DNAAF4: variants seen among roughly 807,000 people sequenced by gnomAD.
DNAAF4 encodes the protein dynein axonemal assembly factor 4.
DNAAF4 carries 43 observed loss-of-function variants against 51.8 expected under a neutral mutation model. That is an observed-to-expected ratio of 0.83 (90% CI 0.65 to 1.07). The LOEUF (loss-of-function observed/expected upper bound fraction) is 1.07, where lower values mean the gene tolerates loss of function less well. DNAAF4 is among the 50% of genes least tolerant of loss of function. The pLI, the probability that DNAAF4 is intolerant of heterozygous loss-of-function variation, is 0.00. For missense variants in DNAAF4, 581 were observed against 493.0 expected, an observed-to-expected ratio of 1.18 and a Z score of -1.69; for synonymous variants, 194 against 165.6, an observed-to-expected ratio of 1.17 and a Z score of -1.32.
At chr15:55,438,740 G>A (rs1386862431) in intron 7 of DNAAF4, among the ~76,000 whole-genome samples, 1 of 150,608 alleles carries the variant, frequency 6.6e-6, no homozygotes, top group East Asian at 1.9e-4. Flanking sequence ...AGCTGAGATT[G>A]CACCACTACA....
intron 4 of DNAAF4, among the ~76,000 whole-genome samples, chr15:55,477,904 G>GA (rs68187085): frequency 0.6 from 87,181 of 144,474 alleles, 26,455 homozygotes; most frequent in East Asian, 0.88. Context: ...TGTCTCTACT[G>GA]AAAAAAAAAA....
At chr15:55,496,484 A>C (rs1195611870) in intron 3 of DNAAF4, among the ~76,000 whole-genome samples, 1 of 152,200 alleles carries the variant, frequency 6.6e-6, no homozygotes, top group African/African-American at 2.4e-5. Context: ...CAATTACTCA[A>C]ACTTTCCATA....
intron 4 of DNAAF4, among the ~76,000 whole-genome samples, chr15:55,467,634 G>A (rs912373141): frequency 6.6e-6 from 1 of 151,890 alleles, no homozygotes; most frequent in Non-Finnish European, 1.5e-5. Context: ...GTCAACCGAA[G>A]TTGTGCCAAC....
intron 4 of DNAAF4, among the ~76,000 whole-genome samples, chr15:55,489,428 CTT>C (rs1458073882): frequency 6.6e-6 from 1 of 152,084 alleles, no homozygotes; most frequent in Non-Finnish European, 1.5e-5. Context: ...AATCCCAACA[CTT>C]TGGGAGGCCA....
chr15:55,468,249 G>A (rs2058198080), intron 4 of DNAAF4, among the ~76,000 whole-genome samples: 2 of 152,158 alleles, frequency 1.3e-5, no homozygotes, highest in South Asian at 2.1e-4. Context: ...AACATTACGA[G>A]TATGAAACCT....
chr15:55,444,075 T>C (rs1356804567), intron 6 of DNAAF4, among the ~76,000 whole-genome samples: 6 of 152,200 alleles, frequency 3.9e-5, no homozygotes, highest in Non-Finnish European at 7.3e-5. Context: ...ATTTTGGCTT[T>C]TGTTGCCATT....
At chr15:55,440,976 C>T (rs116998560) in intron 6 of DNAAF4, among the ~76,000 whole-genome samples, 7,926 of 151,750 alleles carry the variant, frequency 0.052, 309 homozygotes, top group South Asian at 0.098. Flanking sequence ...CCACCGTGCC[C>T]GTCCTTAAAC....
intron 8 of DNAAF4, among the ~76,000 whole-genome samples, chr15:55,433,539 T>C (rs2057531081): frequency 6.9e-6 from 1 of 144,808 alleles, no homozygotes; most frequent in Non-Finnish European, 1.5e-5. Flanking sequence ...GGCAGGAGAA[T>C]GGCGTGAACC....
At chr15:55,418,931 T>TC (rs1369974380) in intron 7 of DNAAF4, among the ~76,000 whole-genome samples, 5 of 4,894 alleles carry the variant, frequency 1.0e-3, no homozygotes, top group African/African-American at 1.1e-3. Context: ...ACTTTTTTTT[T>TC]TTTTTTTGAG....
In DNAAF4 at chr15:55,491,658, T is replaced by G. The variant is rs2058572886; in HGVS notation, c.272-402A>C. On this transcript the variant is annotated intron_variant, in intron 3 of 9. Coordinates refer to ENST00000321149, the MANE Select transcript of DNAAF4 (RefSeq NM_130810.4). ...TATAATATATAAAATATAAAATATA[T>G]ATTATATATTATAGATAATATTATA... 2.1e-5 allele frequency among the ~76,000 whole-genome samples: 3 copies of G among 141,028 alleles called. No individual in the cohort carries two copies. In the Admixed American group the frequency reaches 2.3e-4, roughly 11 times the overall value. 92.5% of individuals were successfully genotyped at this position (141,028 alleles called of 152,430 possible).
intron 8 of DNAAF4, among the ~76,000 whole-genome samples, chr15:55,433,912 A>AAT (rs1402397928): frequency 0.01 from 83 of 8,182 alleles, 3 homozygotes; most frequent in East Asian, 0.029. Context: ...TATTATATAT[A>AAT]ATTATATATA....
At position 55,465,393 on chromosome 15, in the gene DNAAF4, T is replaced by TAC. The variant is rs61176405; in HGVS notation, c.637+1535_637+1536dup. On this transcript the variant is annotated intron_variant, in intron 5 of 9. Coordinates refer to ENST00000321149, the MANE Select transcript of DNAAF4 (RefSeq NM_130810.4). ...AGATAAAGAAAATATGGTGTATATA[T>TAC]ACACACACACACACACACACACACA... is the stretch of plus-strand genomic sequence containing the variant. Among the ~76,000 whole-genome samples the TAC allele has an allele frequency of 7.4e-3, 1,107 of 149,784 alleles. 4 individuals are homozygous for TAC. The highest frequency in any genetic ancestry group is 0.01 in the Non-Finnish European group (688 of 67,408).
intron 1 of DNAAF4, 79 bp from the exon 2 acceptor site, chr15:55,498,663 T>C (rs977738803): frequency 6.0e-4 from 118 of 197,812 alleles, no homozygotes; most frequent in Middle Eastern, 1.9e-3. Flanking sequence ...CCCAGAACTT[T>C]GGGAGGCCGA....
intron 6 of DNAAF4, among the ~76,000 whole-genome samples, chr15:55,440,402 G>A (rs901310418): frequency 2.7e-5 from 4 of 146,664 alleles, no homozygotes; most frequent in Non-Finnish European, 6.0e-5. Context: ...TTTTTGAGAC[G>A]GAGTCTTGCT....
At chr15:55,442,170 G>C (rs763371418) in intron 6 of DNAAF4, among the ~76,000 whole-genome samples, 4 of 152,216 alleles carry the variant, frequency 2.6e-5, no homozygotes, top group African/African-American at 9.6e-5. Flanking sequence ...CAAGGCTGGA[G>C]TGATGTGGCA....
At chr15:55,434,765 A>G in intron 8 of DNAAF4, 140 bp downstream of exon 8, 1 of 832,214 alleles carries the variant, frequency 1.2e-6, no homozygotes, top group Non-Finnish European at 1.7e-6. Context: ...CAGTTAAAAA[A>G]AAAAAGATTC....
At chr15:55,455,439 T>C (rs2058005925) in intron 5 of DNAAF4, among the ~76,000 whole-genome samples, 1 of 146,258 alleles carries the variant, frequency 6.8e-6, no homozygotes, top group East Asian at 2.0e-4. Flanking sequence ...TTTTTTTGTT[T>C]TTGTTGTTTT....
At chr15:55,447,843 G>C (rs1172317048) in intron 6 of DNAAF4, among the ~76,000 whole-genome samples, 13 of 115,524 alleles carry the variant, frequency 1.1e-4, no homozygotes, top group East Asian at 3.6e-4. Flanking sequence ...GGGGAGAGGG[G>C]AGAGGGCAGA....
Position 55,497,734 on chromosome 15 carries a change from C to G in DNAAF4, c.249G>C (p.Trp83Cys). 6.2e-7 allele frequency: 1 copy of G among 1,612,390 alleles called. No individual in the cohort carries two copies. Among genetic ancestry groups the G allele is most frequent in the Non-Finnish European group, 8.5e-7 (1 of 1,179,448 alleles). ...TACCACCCGTCACAGAAAGGGTCTC[C>G]CACATGGCCGCTTCTTTTTTATACA... ...FTLYKKEAAM[W>C]ETLSVTGVDK... is the part of the protein sequence containing the mutation. The change falls in exon 3 of 10, where the codon TGG becomes TGC. Residue 83 changes from tryptophan to cysteine, a missense_variant. By Grantham distance (215) the Trp-to-Cys change is radical. Coordinates refer to ENST00000321149, the MANE Select transcript of DNAAF4 (RefSeq NM_130810.4).
Sources: allele counts gnomAD v4.1 joint callset (sites outside exome capture counted in the v4.1 genomes callset), GRCh38; gene constraint gnomAD v4.1.1; transcripts MANE v1.5; gene names NCBI Gene and HGNC (gene_info 2026-07-23, HGNC 2026-07-21).